The following SLC5A4 variants were observed in gnomAD, a reference collection of about 807,000 sequenced individuals.
SLC5A4 encodes solute carrier family 5 member 4.
A neutral mutation model predicts 70.3 loss-of-function variants in SLC5A4; 55 were observed. That is an observed-to-expected ratio of 0.78 (90% confidence interval 0.63 to 0.98). The LOEUF (loss-of-function observed/expected upper bound fraction) is 0.98, where lower values mean the gene tolerates loss of function less well. Ranked by LOEUF, SLC5A4 falls within the 50% of genes least tolerant of loss-of-function variation. The probability of loss-of-function intolerance (pLI) is 0.00; values close to 1 mark genes in which losing one functional copy is unlikely to be tolerated. For synonymous variants in SLC5A4, 268 were observed against 305.7 expected, an observed-to-expected ratio of 0.88 and a Z score of 1.29; for missense variants, 735 against 839.2, an observed-to-expected ratio of 0.88 and a Z score of 1.53.
At chr22:32,272,165 C>T in the SLC5A4 span, 562 of 718,804 alleles carry the variant, frequency 7.8e-4, no homozygotes, top group African/African-American at 3.5e-3. Context: ...GCGTGGCCGC[C>T]GGGACCTGCC....
At chr22:32,219,786 T>C (rs1322707483) in intron 14 of SLC5A4, among the ~76,000 whole-genome samples, 1 of 151,996 alleles carries the variant, frequency 6.6e-6, no homozygotes, top group Non-Finnish European at 1.5e-5. Context: ...GACAAATCTT[T>C]AGTAAGATTA....
the SLC5A4 span, chr22:32,272,982 G>A: frequency 3.7e-6 from 2 of 541,000 alleles, no homozygotes; most frequent in Admixed American, 4.5e-5. Flanking sequence ...AAGCTGCACG[G>A]GGAGCTGCTC....
chr22:32,309,437 T>A, the SLC5A4 span, among the ~76,000 whole-genome samples: 1 of 151,896 alleles, frequency 6.6e-6, no homozygotes, highest in Non-Finnish European at 1.5e-5. Context: ...AAAGTAAGAG[T>A]AGGCAGCTTA....
the SLC5A4 span, among the ~76,000 whole-genome samples, chr22:32,349,445 C>T: frequency 6.6e-6 from 1 of 152,202 alleles, no homozygotes; most frequent in Non-Finnish European, 1.5e-5. Context: ...CAGGGCCTTA[C>T]ATAGAAATCT....
the SLC5A4 span, among the ~76,000 whole-genome samples, chr22:32,320,806 G>A: frequency 6.6e-6 from 1 of 152,158 alleles, no homozygotes; most frequent in East Asian, 1.9e-4. Context: ...CCATCAAATC[G>A]GCCAAACTTA....
At chr22:32,275,906 A>G in the SLC5A4 span, among the ~76,000 whole-genome samples, 5 of 152,150 alleles carry the variant, frequency 3.3e-5, no homozygotes, top group Non-Finnish European at 7.3e-5. Context: ...AATGATCGCC[A>G]TTCTAACTGG....
At chr22:32,334,318 C>T in the SLC5A4 span, among the ~76,000 whole-genome samples, 1 of 152,298 alleles carries the variant, frequency 6.6e-6, no homozygotes, top group African/African-American at 2.4e-5. Context: ...CCCAGCCCCG[C>T]CCCTCCAGCA....
At chr22:32,330,964 T>G in the SLC5A4 span, among the ~76,000 whole-genome samples, 7 of 2,176 alleles carry the variant, frequency 3.2e-3, no homozygotes, top group Non-Finnish European at 6.5e-3. Flanking sequence ...GTGTGTGTGT[T>G]GGGGGCACTG....
At chr22:32,268,115 A>C in the SLC5A4 span, among the ~76,000 whole-genome samples, 1 of 152,120 alleles carries the variant, frequency 6.6e-6, no homozygotes, top group Non-Finnish European at 1.5e-5. Flanking sequence ...AAAATATCAG[A>C]AGCTCAAGGC....
intron 2 of SLC5A4, among the ~76,000 whole-genome samples, 188 bp downstream of exon 2, chr22:32,253,954 T>G (rs549697726): frequency 2.0e-5 from 3 of 152,220 alleles, no homozygotes; most frequent in African/African-American, 7.2e-5. Context: ...AGCTAATTTT[T>G]GTATTTTTAG....
the SLC5A4 span, chr22:32,271,489 T>C: frequency 7.4e-5 from 54 of 733,578 alleles, no homozygotes; most frequent in South Asian, 7.6e-4. Flanking sequence ...AAGAAGGTCC[T>C]TCACAACATC....
the SLC5A4 span, among the ~76,000 whole-genome samples, chr22:32,306,520 G>GTGAAAA: frequency 3.9e-5 from 3 of 77,460 alleles, no homozygotes; most frequent in Non-Finnish European, 2.4e-5. Flanking sequence ...ACAGCGGTCA[G>GTGAAAA]TGAAAAACTC....
the SLC5A4 span, among the ~76,000 whole-genome samples, chr22:32,321,209 C>T: frequency 1.3e-5 from 2 of 152,190 alleles, no homozygotes; most frequent in Non-Finnish European, 2.9e-5. Context: ...CTGCTTGAAC[C>T]CAGGAGGCGG....
In SLC5A4 at chr22:32,237,245, A is replaced by C. The variant is rs1926114966; in HGVS notation, c.663T>G (p.Phe221Leu). ...MLIGSFILMG[F>L]AFNEVGGYES... ...ACTGCACGCAGGGTCATCACTTACC[A>C]AACCCCATGAGAATAAAAGAGCCAA... Residue 221 changes from phenylalanine to leucine, a missense_variant and splice_region_variant, in exon 7 of 15, where the codon TTT becomes TTG. Phe to Leu is a conservative substitution (Grantham distance 22, BLOSUM62 0). Transcript: ENST00000266086. The C allele has an allele frequency of 6.2e-7, 1 of 1,606,904 alleles. No individual in the cohort carries two copies. Among genetic ancestry groups the C allele is most frequent in the African/African-American group, 1.3e-5 (1 of 74,756 alleles).
At chr22:32,261,161 C>T in the SLC5A4 span, among the ~76,000 whole-genome samples, 1 of 152,064 alleles carries the variant, frequency 6.6e-6, no homozygotes, top group African/African-American at 2.4e-5. Flanking sequence ...ACAATATGCA[C>T]AGGGGAGAAC....
chr22:32,240,024 A>AT, intron 5 of SLC5A4, among the ~76,000 whole-genome samples: 3 of 34,242 alleles, frequency 8.8e-5, no homozygotes, highest in African/African-American at 2.5e-4. Context: ...CTCCATCTCA[A>AT]AAAAAAAAAA....
rs746041561 is a variant in SLC5A4 at position 32,231,023 on chromosome 22, A to G, written c.1074T>C (p.Asp358=). The change falls in exon 10 of 15, where the codon GAT becomes GAC. Residue 358 remains aspartate (D), a synonymous_variant. Transcript: ENST00000266086. ...GGTATGCGTAGTTGGTGCAGCCAAC[A>G]TCAACGCCACAGTGTTTCACGCATT... The part of the protein sequence containing the change: ...PSECVKHCGV[D]VGCTNYAYPT... 2.3e-5 allele frequency: 37 copies of G among 1,614,038 alleles called. No individual in the cohort carries two copies. In the Middle Eastern group the frequency reaches 6.6e-4, roughly 29 times the overall value.
intron 10 of SLC5A4, 73 bp downstream of exon 10, chr22:32,230,895 T>G (rs1925710367): frequency 1.1e-6 from 1 of 875,374 alleles, no homozygotes; most frequent in Admixed American, 1.9e-5. Context: ...GTGCAAGAAT[T>G]GCACCATAAC....
chr22:32,273,033 G>A, the SLC5A4 span: 1 of 536,726 alleles, frequency 1.9e-6, no homozygotes. Flanking sequence ...CAGCAAGCTG[G>A]CCAAGAAGAT....
Sources: allele counts gnomAD v4.1 joint callset (sites outside exome capture counted in the v4.1 genomes callset), GRCh38; gene constraint gnomAD v4.1.1; transcripts MANE v1.5; gene names NCBI Gene and HGNC (gene_info 2026-07-23, HGNC 2026-07-21).